Variants in GPR158 observed in about 807,000 individuals in gnomAD.
GPR158 encodes G protein-coupled receptor 158.
GPR158 carries 30 observed loss-of-function variants against 78.2 expected under a neutral mutation model. The ratio of observed to expected loss-of-function variants is 0.38; its 90% confidence interval spans 0.29 to 0.52. The LOEUF is 0.52. GPR158 is among the 20% of genes least tolerant of loss of function. The pLI is 0.83. For synonymous variants in GPR158, 581 were observed against 591.1 expected (o/e 0.98, Z 0.25); for missense variants, 1,463 against 1,523.5 (o/e 0.96, Z 0.66).
In GPR158 at chr10:25,228,325, T is replaced by C. The variant is rs572294536; in HGVS notation, c.1008+7168T>C. Among the ~76,000 whole-genome samples the C allele has an allele frequency of 1.6e-4, 24 of 151,826 alleles. No homozygotes were observed. The East Asian group carries it at 4.2e-3, about 27-fold the overall frequency. On this transcript the variant is annotated intron_variant, in intron 2 of 10. Coordinates refer to ENST00000376351, the MANE Select transcript of GPR158 (RefSeq NM_020752.3). The stretch of plus-strand genomic sequence containing the variant: ...TAGAAAATTCTAAAATATATAAATA[T>C]AATTCTAAAATATAATTCATAAATA...
intron 2 of GPR158, among the ~76,000 whole-genome samples, chr10:25,327,485 A>G (rs1855052886): frequency 6.6e-6 from 1 of 152,238 alleles, no homozygotes. Context: ...GTTGAATTAA[A>G]TGGTGCACAC....
intron 5 of GPR158, among the ~76,000 whole-genome samples, chr10:25,537,704 G>A (rs933730554): frequency 6.6e-6 from 1 of 152,102 alleles, no homozygotes; most frequent in African/African-American, 2.4e-5. Context: ...CCCCAGTGTT[G>A]GAGGAGGGGC....
At chr10:25,521,185 C>T (rs150870731) in intron 5 of GPR158, among the ~76,000 whole-genome samples, 4,197 of 152,338 alleles carry the variant, frequency 0.028, 92 homozygotes, top group African/African-American at 0.06. Context: ...TGACCCCTTG[C>T]GCTTCCCAGG....
At chr10:25,471,890 A>C (rs1173946793) in intron 5 of GPR158, among the ~76,000 whole-genome samples, 2 of 152,130 alleles carry the variant, frequency 1.3e-5, no homozygotes, top group African/African-American at 4.8e-5. Context: ...AGGTTGCGAA[A>C]ATTTTCTCCC....
chr10:25,521,956 G>A (rs1026719738), intron 5 of GPR158, among the ~76,000 whole-genome samples: 2 of 152,174 alleles, frequency 1.3e-5, no homozygotes, highest in African/African-American at 4.8e-5. Flanking sequence ...AAGGAGATAA[G>A]GGCCCAGAAA....
chr10:25,578,572 A>G (rs1201427211), intron 7 of GPR158, among the ~76,000 whole-genome samples: 3 of 152,254 alleles, frequency 2.0e-5, no homozygotes, highest in Admixed American at 1.3e-4. Flanking sequence ...AACAGTCATA[A>G]TAGATTGGTA....
rs747218020 is a variant in GPR158, at chr10:25,550,977, T to C, written c.1406T>C (p.Val469Ala). ...LFGSLLLYFPVVILYFEPSTF... is the reference protein window; with the variant it reads ...LFGSLLLYFPAVILYFEPSTF... The stretch of plus-strand genomic sequence containing the variant: ...TCTCTTTCTGTTTTCATCCCACAGG[T>C]TGTTATTTTGTACTTTGAGCCAAGC... Residue 469 changes from valine to alanine, a missense_variant and splice_region_variant, in exon 6 of 11, where the codon GTT becomes GCT. Coordinates refer to ENST00000376351, the MANE Select transcript of GPR158 (RefSeq NM_020752.3). 6.5e-6 allele frequency: 10 copies of C among 1,540,032 alleles called. No individual in the cohort carries two copies. Among genetic ancestry groups the C allele is most frequent in the Non-Finnish European group, 9.0e-6 (10 of 1,112,944 alleles).
chr10:25,513,857 T>C (rs573303894), intron 5 of GPR158, among the ~76,000 whole-genome samples: 52 of 152,272 alleles, frequency 3.4e-4, no homozygotes, highest in Non-Finnish European at 6.6e-4. Context: ...TGATTTCCAA[T>C]ATTATTCCAC....
rs1837449151 is a variant in GPR158 at position 25,598,748 on chromosome 10, C to A, written c.3122C>A (p.Thr1041Asn). Residue 1041 changes from threonine (T) to asparagine (N), a missense_variant, in exon 11 of 11, where the codon ACT (threonine) becomes AAT (asparagine). By Grantham distance (65) the Thr-to-Asn change is moderately conservative. Transcript: ENST00000376351. ...GCTTCTGAAATGGAGAAAAACCCCA[C>A]TTTTTCCTTAAAGGAGAAATCTCAC... ...IVASEMEKNP[T>N]FSLKEKSHHK... 3 of 1,613,956 alleles carry A rather than the reference C, an allele frequency of 1.9e-6. No homozygotes were observed. Among genetic ancestry groups the A allele is most frequent in the African/African-American group, 1.3e-5 (1 of 74,882 alleles).
intron 2 of GPR158, among the ~76,000 whole-genome samples, chr10:25,251,505 T>C (rs374013898): frequency 4.7e-4 from 71 of 152,000 alleles, no homozygotes; most frequent in Middle Eastern, 3.4e-3. Context: ...TTAGGGCAGG[T>C]CTGGTGGTGA....
At chr10:25,563,348 G>A (rs904554983) in intron 6 of GPR158, among the ~76,000 whole-genome samples, 17 of 145,902 alleles carry the variant, frequency 1.2e-4, no homozygotes, top group African/African-American at 3.6e-4. Flanking sequence ...TTAGATCTAC[G>A]GTAACTCTCT....
intron 2 of GPR158, among the ~76,000 whole-genome samples, chr10:25,263,657 C>A (rs904638104): frequency 2.0e-5 from 3 of 152,082 alleles, no homozygotes; most frequent in African/African-American, 7.2e-5. Context: ...AATTTTAAGG[C>A]CGGGTGCTGT....
rs138160269 is a variant in GPR158 at position 25,510,239 on chromosome 10, T to C, written c.1405-40737T>C. Reference sequence around the variant, plus strand: ...GAATTCTGTTGGTAATGAAGAAGAATAATTTTGTTCAGATAGACAACCAAG... The same window carrying C: ...GAATTCTGTTGGTAATGAAGAAGAACAATTTTGTTCAGATAGACAACCAAG... On this transcript the variant is annotated intron_variant, in intron 5 of 10. Coordinates refer to ENST00000376351, the MANE Select transcript of GPR158 (RefSeq NM_020752.3). 2.0e-5 allele frequency among the ~76,000 whole-genome samples: 3 copies of C among 152,294 alleles called. No homozygotes were observed. In the South Asian group the frequency reaches 6.2e-4, roughly 32 times the overall value.
Position 25,517,705 on chromosome 10 carries a change from C to T in GPR158, c.1405-33271C>T, listed in dbSNP as rs908980768. Reference sequence around the variant, plus strand: ...ATTTGCGTATATTGAACCAGCCTTGCATCCCAGGGATGAAGCCCACTTGAT... The same window carrying T: ...ATTTGCGTATATTGAACCAGCCTTGTATCCCAGGGATGAAGCCCACTTGAT... On this transcript the variant is annotated intron_variant, in intron 5 of 10. Transcript: ENST00000376351. Among the ~76,000 whole-genome samples, 372 of 151,314 alleles carry T rather than the reference C, an allele frequency of 2.5e-3. 4 individuals are homozygous for T. Among genetic ancestry groups the T allele is most frequent in the African/African-American group, 8.6e-3 (355 of 41,234 alleles).
intron 2 of GPR158, among the ~76,000 whole-genome samples, chr10:25,382,901 G>A (rs1394113241): frequency 1.3e-5 from 2 of 151,690 alleles, no homozygotes; most frequent in Non-Finnish European, 2.9e-5. Flanking sequence ...GCATGATCTC[G>A]GCTCATTGCA....
At chr10:25,316,760 C>T (rs1854856530) in intron 2 of GPR158, among the ~76,000 whole-genome samples, 2 of 152,102 alleles carry the variant, frequency 1.3e-5, no homozygotes, top group Admixed American at 1.3e-4. Context: ...AAGAAAATCA[C>T]ATACCATGCT....
Position 25,599,845 on chromosome 10 carries a change from CA to C in GPR158, c.*574del, listed in dbSNP as rs759348986. 6.5e-6 allele frequency: 1 copy of C among 152,950 alleles called. No homozygotes were observed. Among genetic ancestry groups the C allele is most frequent in the Non-Finnish European group, 1.5e-5 (1 of 68,328 alleles). The allele number at this position is 152,950 out of a possible 1,614,324, so 9.5% of individuals were successfully genotyped here. ...AGCATTCCAGATTGTATAATTTTTG[CA>C]AATAACTTTGGTATTATGTGACACA... On this transcript the variant is annotated 3_prime_UTR_variant, in exon 11 of 11. Coordinates refer to ENST00000376351, the MANE Select transcript of GPR158 (RefSeq NM_020752.3).
chr10:25,583,234 T>C (rs377521619), intron 7 of GPR158, among the ~76,000 whole-genome samples: 24 of 152,186 alleles, frequency 1.6e-4, no homozygotes, highest in African/African-American at 5.8e-4. Flanking sequence ...TCCTTCTCTA[T>C]CTCGGAGCTG....
intron 2 of GPR158, among the ~76,000 whole-genome samples, chr10:25,314,380 T>C (rs1252691663): frequency 6.6e-6 from 1 of 152,202 alleles, no homozygotes; most frequent in Non-Finnish European, 1.5e-5. Context: ...ATTACAGGCA[T>C]GAGCCACCAC....
Sources: allele counts gnomAD v4.1 joint callset (sites outside exome capture counted in the v4.1 genomes callset), GRCh38; gene constraint gnomAD v4.1.1; transcripts MANE v1.5; gene names NCBI Gene and HGNC (gene_info 2026-07-23, HGNC 2026-07-21).